SMARCD3: variants seen among roughly 807,000 people sequenced by gnomAD.
SMARCD3 encodes the protein SWI/SNF-related matrix-associated actin-dependent regulator of chromatin subfamily D member 3.
SMARCD3 carries 14 observed loss-of-function variants against 58.0 expected under a neutral mutation model. The ratio of observed to expected loss-of-function variants is 0.24; its 90% CI spans 0.16 to 0.38. The LOEUF (loss-of-function observed/expected upper bound fraction) is 0.38, where lower values mean the gene tolerates loss of function less well. Among genes scored for constraint, SMARCD3 ranks in the 10% least tolerant of loss-of-function variants. The probability of loss-of-function intolerance (pLI) is 1.00; values close to 1 mark genes in which losing one functional copy is unlikely to be tolerated. For missense variants in SMARCD3, 408 were observed against 636.9 expected, an observed-to-expected ratio of 0.64 and a Z score of 3.87; for synonymous variants, 253 against 253.8, an observed-to-expected ratio of 1.00 and a Z score of 0.03.
At chr7:151,272,480 C>T (rs761773247) in intron 2 of SMARCD3, among the ~76,000 whole-genome samples, 30 of 152,134 alleles carry the variant, frequency 2.0e-4, no homozygotes, top group South Asian at 8.3e-4. Context: ...CACAGTGTCC[C>T]TCACTCTAGG....
chr7:151,259,335 G>A (rs1425421935), intron 2 of SMARCD3, among the ~76,000 whole-genome samples: 5 of 145,292 alleles, frequency 3.4e-5, no homozygotes, highest in African/African-American at 1.0e-4. Context: ...CTAGGTGACA[G>A]AGAGAGACTC....
intron 2 of SMARCD3, among the ~76,000 whole-genome samples, chr7:151,264,570 G>A (rs184464035): frequency 1.4e-4 from 21 of 152,262 alleles, no homozygotes; most frequent in Admixed American, 1.3e-3. Context: ...TAGGAACTGT[G>A]GGAGTTCCTC....
At chr7:151,256,675 C>A (rs938868833) in intron 2 of SMARCD3, among the ~76,000 whole-genome samples, 10 of 152,180 alleles carry the variant, frequency 6.6e-5, no homozygotes, top group Admixed American at 2.6e-4. Flanking sequence ...CCCGCTCCCA[C>A]ACCCCGACAG....
chr7:151,248,986 G>A (rs1489247168), upstream of SMARCD3: 1 of 151,682 alleles, frequency 6.6e-6, no homozygotes, highest in South Asian at 2.1e-4. The surrounding 1 kb of genome is among the most constrained non-coding windows in gnomAD (Gnocchi z 6.1). Flanking sequence ...AGGCGGCGCG[G>A]GGAGGGGACG....
In SMARCD3 at chr7:151,248,336, A is replaced by G; in HGVS notation, c.78+149T>C. ...CGACGTGTTCGGGTGCCAGGGCGCCAGCACAGTCCCGCGGCCGGGCCGTGG... is the reference window on the plus strand; with the variant it reads ...CGACGTGTTCGGGTGCCAGGGCGCCGGCACAGTCCCGCGGCCGGGCCGTGG... On this transcript the variant is annotated intron_variant, in intron 1 of 12. Transcript: ENST00000262188. The surrounding 1 kb of genome is among the most constrained non-coding windows in gnomAD (Gnocchi z 6.1). 2.1e-6 allele frequency: 1 copy of G among 486,662 alleles called. No individual in the cohort carries two copies. Among genetic ancestry groups the G allele is most frequent in the African/African-American group, 2.2e-5 (1 of 46,096 alleles). The allele number at this position is 486,662 out of a possible 1,614,324, so 30.1% of individuals were successfully genotyped here.
rs767238830 is a variant in SMARCD3 at position 151,242,438 on chromosome 7, T to C, written c.579+43A>G. 1.3e-5 allele frequency: 21 copies of C among 1,604,928 alleles called. No homozygotes were observed. Among genetic ancestry groups the C allele is most frequent in the East Asian group, 6.7e-5 (3 of 44,728 alleles). ...CTTGTTCTGTTCTCAGTGCAGCCCA[T>C]GCCCACCCCAGGACACCTGGAGAGA... is the stretch of plus-strand genomic sequence containing the variant. On this transcript the variant is annotated intron_variant, in intron 5 of 12. Transcript: ENST00000262188. The surrounding 1 kb of genome is among the most constrained non-coding windows in gnomAD (Gnocchi z 4.7).
In SMARCD3 at chr7:151,243,670, G is replaced by A. The variant is rs766988633; in HGVS notation, c.322C>T (p.Leu108Phe). Residue 108 changes from leucine (L) to phenylalanine (F), a missense_variant, in exon 3 of 13, where the codon CTC becomes TTC. Physicochemically the swap from Leu to Phe is conservative, Grantham distance 22 (BLOSUM62 0). This residue lies in a region of SMARCD3 where 128 missense variants were observed against 188.8 expected (regional missense o/e 0.68). Transcript: ENST00000262188. The surrounding 1 kb of genome is among the most constrained non-coding windows in gnomAD (Gnocchi z 4.4). ...AKRRKMADKI[L>F]PQRIRELVPE... is the part of the protein sequence containing the mutation. ...TGAAAGGCACTCACCCTTTGAGGGA[G>A]GATTTTGTCAGCCATCTTCCTCCTC... 3.1e-6 allele frequency: 5 copies of A among 1,609,824 alleles called. No individual in the cohort carries two copies. The Admixed American group carries it at 6.7e-5, about 21-fold the overall frequency.
At chr7:151,267,618 G>T (rs1249254208) in intron 2 of SMARCD3, among the ~76,000 whole-genome samples, 1 of 152,202 alleles carries the variant, frequency 6.6e-6, no homozygotes, top group Admixed American at 6.5e-5. Context: ...TAGGGGGAGG[G>T]TCCTCAAGTT....
intron 2 of SMARCD3, among the ~76,000 whole-genome samples, chr7:151,271,551 A>C (rs1795174172): frequency 6.6e-6 from 1 of 152,114 alleles, no homozygotes; most frequent in South Asian, 2.1e-4. Flanking sequence ...ATTTCCTATA[A>C]GGATATTACC....
At position 151,239,358 on chromosome 7, in the gene SMARCD3, G is replaced by C; in HGVS notation, c.1398+38C>G. 6.5e-7 allele frequency: 1 copy of C among 1,531,410 alleles called. No individual in the cohort carries two copies. The allele number at this position is 1,531,410 out of a possible 1,614,324, so 94.9% of individuals were successfully genotyped here. ...GAACAGGGAGGTTTCTCTTGGAGTT[G>C]AGGATGGGGAAGCCTCAGGGCAAGG... is the stretch of plus-strand genomic sequence containing the variant. On this transcript the variant is annotated intron_variant, in intron 12 of 12. Transcript: ENST00000262188. The surrounding 1 kb of genome is among the most constrained non-coding windows in gnomAD (Gnocchi z 7.0).
chr7:151,245,083 T>C lies in SMARCD3; in HGVS notation c.290+377A>G, dbSNP rs1713290129. On this transcript the variant is annotated intron_variant, in intron 2 of 12. Coordinates refer to ENST00000262188, the MANE Select transcript of SMARCD3 (RefSeq NM_001003801.2). The surrounding 1 kb of genome is among the most constrained non-coding windows in gnomAD (Gnocchi z 6.2). The stretch of plus-strand genomic sequence containing the variant: ...GAAGGCTCAGCGGAGAACCACACTT[T>C]GGGGAACACAGTCCTACACCTCTGC... Among the ~76,000 whole-genome samples the C allele has an allele frequency of 6.6e-6, 1 of 152,118 alleles. No homozygotes were observed. Among genetic ancestry groups the C allele is most frequent in the South Asian group, 2.1e-4 (1 of 4,826 alleles).
chr7:151,255,602 C>T (rs1370807225), intron 2 of SMARCD3, among the ~76,000 whole-genome samples: 1 of 152,160 alleles, frequency 6.6e-6, no homozygotes, highest in Non-Finnish European at 1.5e-5. Flanking sequence ...CTCAGCCATG[C>T]ACTCCCAAGG....
chr7:151,254,116 A>G (rs1229042249), intron 2 of SMARCD3, among the ~76,000 whole-genome samples: 1 of 152,152 alleles, frequency 6.6e-6, no homozygotes, highest in Non-Finnish European at 1.5e-5. Flanking sequence ...GGTGTGTGGG[A>G]GCCATCTCTG....
chr7:151,251,566 G>T (rs1351114391), upstream of SMARCD3, among the ~76,000 whole-genome samples: 2 of 152,158 alleles, frequency 1.3e-5, no homozygotes, highest in Non-Finnish European at 2.9e-5. Context: ...AGGATCCCCA[G>T]TGGCTTAACC....
Position 151,248,464 on chromosome 7 carries a change from C to T in SMARCD3, c.78+21G>A, listed in dbSNP as rs554761835. ...CCGAGCCAGCTCGCTTGCCCTCCCC[C>T]GCTAACTTTCCCCCACTCACCACCC... On this transcript the variant is annotated intron_variant, in intron 1 of 12. Coordinates refer to ENST00000262188, the MANE Select transcript of SMARCD3 (RefSeq NM_001003801.2). This position sits in a 1 kb window ranked among gnomAD's most constrained non-coding sequence, Gnocchi z 6.1. 10 of 1,600,834 alleles carry T rather than the reference C, an allele frequency of 6.2e-6. No individual in the cohort carries two copies. The highest frequency in any genetic ancestry group is 5.3e-5 in the African/African-American group (4 of 74,774).
chr7:151,253,659 T>C (rs1803602395), upstream of SMARCD3, among the ~76,000 whole-genome samples: 2 of 152,148 alleles, frequency 1.3e-5, no homozygotes, highest in Admixed American at 6.5e-5. Flanking sequence ...GCAGGTTTTC[T>C]CTTACTCCCC....
chr7:151,253,641 G>C (rs912152739), upstream of SMARCD3, among the ~76,000 whole-genome samples: 1 of 152,140 alleles, frequency 6.6e-6, no homozygotes, highest in Non-Finnish European at 1.5e-5. Context: ...GCACATTTTG[G>C]ATTCACAGCA....
intron 2 of SMARCD3, among the ~76,000 whole-genome samples, chr7:151,257,957 G>C (rs1803757055): frequency 6.6e-6 from 1 of 152,100 alleles, no homozygotes; most frequent in African/African-American, 2.4e-5. Flanking sequence ...TTCCACCTGG[G>C]TCTTCAGTGG....
intron 2 of SMARCD3, among the ~76,000 whole-genome samples, chr7:151,264,603 C>G (rs925326916): frequency 2.6e-5 from 4 of 152,158 alleles, no homozygotes; most frequent in East Asian, 1.9e-4. Context: ...GCAATCACCC[C>G]CTGAAGACCT....
Sources: gnomAD v4.1 joint callset for allele counts (sites outside exome capture counted in the v4.1 genomes callset) on GRCh38, gnomAD v4.1.1 for gene constraint, gnomAD v4.1.1 regional missense constraint, Gnocchi (gnomAD v3.1) non-coding constraint, MANE v1.5 for transcripts, NCBI Gene and HGNC (gene_info 2026-07-23, HGNC 2026-07-21) for gene names.